INPP4A: variants seen among roughly 807,000 people sequenced by gnomAD.
INPP4A encodes the protein inositol polyphosphate-4-phosphatase type I A.
Under a neutral mutation model 119.8 loss-of-function variants are expected in INPP4A, and 33 were observed. The observed-to-expected ratio is 0.28, with a 90% CI of 0.21 to 0.37. INPP4A has a LOEUF of 0.37. Ranked by LOEUF, INPP4A falls within the 10% of genes least tolerant of loss-of-function variation. The probability of loss-of-function intolerance (pLI) is 1.00; values close to 1 mark genes in which losing one functional copy is unlikely to be tolerated. For synonymous variants in INPP4A, 496 were observed against 500.7 expected (o/e 0.99, Z 0.12); for missense variants, 956 against 1,289.9 (o/e 0.74, Z 3.97).
intron 1 of INPP4A, among the ~76,000 whole-genome samples, chr2:98,471,995 T>G (rs1356074960): frequency 1.3e-5 from 2 of 152,224 alleles, no homozygotes; most frequent in Non-Finnish European, 2.9e-5. Context: ...CCACCTGTCC[T>G]TGTCCCTCTT....
intron 1 of INPP4A, among the ~76,000 whole-genome samples, chr2:98,500,340 A>T (rs1353054700): frequency 6.6e-6 from 1 of 152,070 alleles, no homozygotes; most frequent in Non-Finnish European, 1.5e-5. Flanking sequence ...TGAGGGGGGA[A>T]AATAGGGAGG....
At position 98,517,051 on chromosome 2, in the gene INPP4A, C is replaced by T. The variant is rs572662011; in HGVS notation, c.-165-1913C>T. Among the ~76,000 whole-genome samples the T allele has an allele frequency of 6.6e-5, 10 of 152,244 alleles. No homozygotes were observed. The South Asian group carries it at 2.1e-3, about 32-fold the overall frequency. ...CACAGTAAAGTCTGTGTGTAACCCG[C>T]ACCCAGATCATTTCCAGAGCCCCGG... On this transcript the variant is annotated intron_variant, in intron 1 of 24. Transcript: ENST00000409851.
At chr2:98,567,266 G>A (rs563059908) in intron 21 of INPP4A, among the ~76,000 whole-genome samples, 1 of 152,132 alleles carries the variant, frequency 6.6e-6, no homozygotes, top group Non-Finnish European at 1.5e-5. Flanking sequence ...CTGTTAAAGT[G>A]GTCAGTGGAA....
intron 2 of INPP4A, 42 bp from the exon 3 acceptor site, chr2:98,519,904 A>G (rs1558992494): frequency 4.5e-6 from 3 of 666,252 alleles, no homozygotes; most frequent in Non-Finnish European, 8.2e-6. Flanking sequence ...ATTTCTCTCC[A>G]TCACCGTCCC....
At chr2:98,495,690 C>T (rs937989269) in intron 1 of INPP4A, among the ~76,000 whole-genome samples, 2 of 152,126 alleles carry the variant, frequency 1.3e-5, no homozygotes, top group Non-Finnish European at 2.9e-5. Flanking sequence ...TAAGTTATTA[C>T]CTGAAGACCT....
At chr2:98,474,040 G>T (rs940117476) in intron 1 of INPP4A, among the ~76,000 whole-genome samples, 1 of 152,154 alleles carries the variant, frequency 6.6e-6, no homozygotes. Flanking sequence ...CCCTTCGGGG[G>T]CAGTCTGCCA....
intron 1 of INPP4A, among the ~76,000 whole-genome samples, chr2:98,491,128 A>C (rs370313515): frequency 6.6e-6 from 1 of 152,218 alleles, no homozygotes; most frequent in Admixed American, 6.5e-5. Context: ...TTAATCAAAA[A>C]CAAATTGTAT....
intron 1 of INPP4A, among the ~76,000 whole-genome samples, chr2:98,462,127 T>C (rs1290198595): frequency 1.3e-5 from 2 of 152,254 alleles, no homozygotes; most frequent in Admixed American, 6.5e-5. Flanking sequence ...GGTTAGATAC[T>C]ATTTGTAAGG....
intron 9 of INPP4A, among the ~76,000 whole-genome samples, chr2:98,539,315 A>T (rs770644741): frequency 1.3e-5 from 2 of 152,164 alleles, no homozygotes; most frequent in Non-Finnish European, 2.9e-5. Flanking sequence ...AGTTAGTTAC[A>T]TGTTCTGGGA....
intron 1 of INPP4A, among the ~76,000 whole-genome samples, chr2:98,503,839 C>A (rs576967029): frequency 1.3e-5 from 2 of 152,326 alleles, no homozygotes; most frequent in South Asian, 4.1e-4. Context: ...CCCTATTAGC[C>A]TGATCTTTGC....
intron 1 of INPP4A, among the ~76,000 whole-genome samples, chr2:98,503,855 G>A (rs1183667697): frequency 1.3e-5 from 2 of 152,202 alleles, no homozygotes; most frequent in South Asian, 2.1e-4. Flanking sequence ...TTTGCTGCTG[G>A]TTGAGAAGAG....
chr2:98,504,450 C>T (rs1683671912), intron 1 of INPP4A, among the ~76,000 whole-genome samples: 1 of 152,194 alleles, frequency 6.6e-6, no homozygotes. Context: ...CTTTGTGTTT[C>T]CATGGGACCT....
chr2:98,585,393 A>G (rs1699837900), intron 24 of INPP4A, among the ~76,000 whole-genome samples: 1 of 152,244 alleles, frequency 6.6e-6, no homozygotes, highest in African/African-American at 2.4e-5. Flanking sequence ...GAAATAATTT[A>G]TTGATATAAT....
At chr2:98,459,117 A>G (rs1331147599) in intron 1 of INPP4A, among the ~76,000 whole-genome samples, 1 of 152,244 alleles carries the variant, frequency 6.6e-6, no homozygotes, top group Admixed American at 6.5e-5. Context: ...TCCTTCGGAA[A>G]TGCCGCTCAC....
At chr2:98,537,117 T>C (rs1690436559) in intron 7 of INPP4A, among the ~76,000 whole-genome samples, 1 of 152,206 alleles carries the variant, frequency 6.6e-6, no homozygotes, top group Non-Finnish European at 1.5e-5. Context: ...ATTGAACAGA[T>C]AGAGCAGGAA....
At chr2:98,475,147 G>T (rs1230448401) in intron 1 of INPP4A, among the ~76,000 whole-genome samples, 5 of 152,108 alleles carry the variant, frequency 3.3e-5, no homozygotes, top group Non-Finnish European at 7.4e-5. Flanking sequence ...AACAGGAGGG[G>T]CACTCTTAAG....
At chr2:98,499,155 C>G (rs1682624783) in intron 1 of INPP4A, among the ~76,000 whole-genome samples, 1 of 152,228 alleles carries the variant, frequency 6.6e-6, no homozygotes, top group African/African-American at 2.4e-5. Context: ...TGTCTTCTTT[C>G]TACCCTTCTT....
At chr2:98,512,165 A>G (rs533061595) in intron 1 of INPP4A, among the ~76,000 whole-genome samples, 1 of 152,304 alleles carries the variant, frequency 6.6e-6, no homozygotes, top group South Asian at 2.1e-4. Flanking sequence ...CTCTATGCGG[A>G]TGTTTTCTGT....
chr2:98,560,593 C>G (rs986309579), intron 17 of INPP4A, among the ~76,000 whole-genome samples: 10 of 152,256 alleles, frequency 6.6e-5, no homozygotes, highest in Non-Finnish European at 1.0e-4. Flanking sequence ...GGCCCCACCC[C>G]CTTGGACCCT....
Sources: gnomAD v4.1 joint callset for allele counts (sites outside exome capture counted in the v4.1 genomes callset) on GRCh38, gnomAD v4.1.1 for gene constraint, MANE v1.5 for transcripts, NCBI Gene and HGNC (gene_info 2026-07-23, HGNC 2026-07-21) for gene names.